OTOL1: variants seen among roughly 807,000 people sequenced by gnomAD.
OTOL1 encodes otolin-1.
Under a neutral mutation model 25.0 loss-of-function variants are expected in OTOL1, and 31 were observed. That is an observed-to-expected ratio of 1.24 (90% confidence interval 0.93 to 1.67). OTOL1 has a LOEUF of 1.67. Ranked by LOEUF, OTOL1 falls within the 40% of genes most tolerant of loss-of-function variation. The pLI is 0.00. For synonymous variants in OTOL1, 225 were observed against 210.3 expected, an observed-to-expected ratio of 1.07 and a Z score of -0.61; for missense variants, 654 against 587.7, an observed-to-expected ratio of 1.11 and a Z score of -1.17.
At chr3:161,500,517 C>T (rs1373003379) in intron 2 of OTOL1, among the ~76,000 whole-genome samples, 1 of 152,148 alleles carries the variant, frequency 6.6e-6, no homozygotes, top group East Asian at 1.9e-4. Flanking sequence ...ACTCTACTTT[C>T]CTTTCACTTC....
At chr3:161,497,699 G>A (rs770691366) in intron 1 of OTOL1, among the ~76,000 whole-genome samples, 3 of 152,120 alleles carry the variant, frequency 2.0e-5, no homozygotes, top group African/African-American at 7.2e-5. Flanking sequence ...GCTCTGAGGT[G>A]GAGAATAAAG....
rs781458945 is a variant in OTOL1 at position 161,503,491 on chromosome 3, G to C, written c.983G>C (p.Arg328Pro). 1.2e-6 allele frequency: 2 copies of C among 1,613,506 alleles called. No individual in the cohort carries two copies. The highest frequency in any genetic ancestry group is 2.2e-5 in the South Asian group (2 of 91,042). Residue 328 changes from arginine to proline, a missense_variant, in exon 4 of 4, where the codon CGG becomes CCG. Transcript: ENST00000327928. ...VRGPTGKKGSRGFKGSKGELA... is the reference protein window; with the variant it reads ...VRGPTGKKGSPGFKGSKGELA... ...GGCCCCACTGGGAAGAAGGGCTCTC[G>C]GGGCTTTAAAGGCTCCAAGGGTGAG... is the stretch of plus-strand genomic sequence containing the variant.
Position 161,497,134 on chromosome 3 carries a change from C to G in OTOL1, c.327C>G (p.Pro109=). The G allele has an allele frequency of 6.2e-7, 1 of 1,613,262 alleles. No individual in the cohort carries two copies. Among genetic ancestry groups the G allele is most frequent in the African/African-American group, 1.3e-5 (1 of 74,978 alleles). The change falls in exon 1 of 4, where the codon CCC becomes CCG. Residue 109 remains proline, a synonymous_variant. Coordinates refer to ENST00000327928, the MANE Select transcript of OTOL1 (RefSeq NM_001080440.1). ...LNCCDCCSPV[P]GQKGEPGETG... ...GTTGTGATTGTTGTTCACCTGTACC[C>G]GGGCAGAAAGGAGAACCTGGAGAGA...
chr3:161,502,528 CAG>C (rs1718999428), intron 3 of OTOL1, among the ~76,000 whole-genome samples, 159 bp downstream of exon 3: 1 of 152,094 alleles, frequency 6.6e-6, no homozygotes, highest in South Asian at 2.1e-4. Context: ...GAAGGAGAAC[CAG>C]TCTAGGAATT....
chr3:161,503,502 G>A lies in OTOL1; in HGVS notation c.994G>A (p.Gly332Ser). 3 of 1,613,778 alleles carry A rather than the reference G, an allele frequency of 1.9e-6. No homozygotes were observed. The highest frequency in any genetic ancestry group is 2.5e-6 in the Non-Finnish European group (3 of 1,179,812). Reference sequence around the variant, plus strand: ...GAAGAAGGGCTCTCGGGGCTTTAAAGGCTCCAAGGGTGAGTTGGCTAGAGT... The same window carrying A: ...GAAGAAGGGCTCTCGGGGCTTTAAAAGCTCCAAGGGTGAGTTGGCTAGAGT... ...TGKKGSRGFK[G>S]SKGELARVPR... The change falls in exon 4 of 4, where the codon GGC becomes AGC. Residue 332 changes from glycine (G) to serine (S), a missense_variant. Gly to Ser is a moderately conservative substitution (Grantham distance 56, BLOSUM62 0). Transcript: ENST00000327928.
chr3:161,503,640 G>A lies in OTOL1; in HGVS notation c.1132G>A (p.Gly378Arg), dbSNP rs772890100. ...CCAAGGGAATTACAGTCCTGTCACT[G>A]GGAAGTTTAACTGCTCTATTCCTGG... is the stretch of plus-strand genomic sequence containing the variant. Reference protein sequence around the residue: ...NDQGNYSPVTGKFNCSIPGTY... With the variant: ...NDQGNYSPVTRKFNCSIPGTY... Residue 378 changes from glycine to arginine, a missense_variant, in exon 4 of 4, where the codon GGG becomes AGG. Transcript: ENST00000327928. The A allele has an allele frequency of 1.9e-6, 3 of 1,613,784 alleles. No homozygotes were observed. The highest frequency in any genetic ancestry group is 2.5e-6 in the Non-Finnish European group (3 of 1,179,836).
At position 161,499,170 on chromosome 3, in the gene OTOL1, G is replaced by A; in HGVS notation, c.365-1G>A. ...TGATGTATTTAAAATCCCATTTCTAGGTCCTAAAGGAGAGGCTGGAAATTT... is the reference window on the plus strand; with the variant it reads ...TGATGTATTTAAAATCCCATTTCTAAGTCCTAAAGGAGAGGCTGGAAATTT... On this transcript the variant is annotated splice_acceptor_variant, in intron 1 of 3. Transcript: ENST00000327928. LOFTEE classifies it high-confidence loss of function. The A allele has an allele frequency of 1.2e-6, 2 of 1,605,278 alleles. No homozygotes were observed. Among genetic ancestry groups the A allele is most frequent in the African/African-American group, 1.3e-5 (1 of 74,736 alleles).
At chr3:161,501,608 T>C (rs1718975573) in intron 2 of OTOL1, among the ~76,000 whole-genome samples, 1 of 152,080 alleles carries the variant, frequency 6.6e-6, no homozygotes, top group South Asian at 2.1e-4. Flanking sequence ...TGTTGTGCAC[T>C]CTGTTTAAAC....
intron 1 of OTOL1, among the ~76,000 whole-genome samples, chr3:161,497,835 T>C (rs544226876): frequency 1.3e-5 from 2 of 152,282 alleles, no homozygotes; most frequent in East Asian, 1.9e-4. Context: ...ATATACATAA[T>C]GAATATAGTC....
At chr3:161,498,487 G>A (rs1341418199) in intron 1 of OTOL1, among the ~76,000 whole-genome samples, 1 of 152,120 alleles carries the variant, frequency 6.6e-6, no homozygotes, top group Non-Finnish European at 1.5e-5. Context: ...CCTACTTAGG[G>A]AAGCTACTCT....
At chr3:161,500,215 G>A (rs1576946230) in intron 2 of OTOL1, among the ~76,000 whole-genome samples, 2 of 152,268 alleles carry the variant, frequency 1.3e-5, no homozygotes, top group East Asian at 3.9e-4. Flanking sequence ...ATTCAGTGAA[G>A]TAATTACTCA....
chr3:161,499,470 G>A (rs1378664861), intron 2 of OTOL1, among the ~76,000 whole-genome samples: 1 of 152,178 alleles, frequency 6.6e-6, no homozygotes, highest in Admixed American at 6.6e-5. Flanking sequence ...CTGCACACAT[G>A]CATGCAGGCA....
Position 161,502,376 on chromosome 3 carries a change from C to A in OTOL1, c.517+7C>A. 6.2e-7 allele frequency: 1 copy of A among 1,610,428 alleles called. No homozygotes were observed. Among genetic ancestry groups the A allele is most frequent in the Non-Finnish European group, 8.5e-7 (1 of 1,177,386 alleles). ...GGAAAACCGGGAGCACAAGGTAGAGCATGAAATGTATCTACTGTGTACAGT... is the reference window on the plus strand; with the variant it reads ...GGAAAACCGGGAGCACAAGGTAGAGAATGAAATGTATCTACTGTGTACAGT... On this transcript the variant is annotated splice_region_variant and intron_variant, in intron 3 of 3. Transcript: ENST00000327928.
chr3:161,496,994 G>A lies in OTOL1; in HGVS notation c.187G>A (p.Ala63Thr). The change falls in exon 1 of 4, where the codon GCT (alanine) becomes ACT (threonine). Residue 63 changes from alanine to threonine, a missense_variant. Coordinates refer to ENST00000327928, the MANE Select transcript of OTOL1 (RefSeq NM_001080440.1). ...AGAAGAAACCCTCTTCACAGAAATG[G>A]CTGAAATGGCAGAACCAATTACCAA... Reference protein sequence around the residue: ...EEEETLFTEMAEMAEPITKPS... With the variant: ...EEEETLFTEMTEMAEPITKPS... 6.2e-7 allele frequency: 1 copy of A among 1,613,620 alleles called. No individual in the cohort carries two copies. The highest frequency in any genetic ancestry group is 8.5e-7 in the Non-Finnish European group (1 of 1,179,656).
In OTOL1 at chr3:161,497,010, C is replaced by T. The variant is rs756327245; in HGVS notation, c.203C>T (p.Pro68Leu). 1.9e-6 allele frequency: 3 copies of T among 1,613,628 alleles called. No individual in the cohort carries two copies. Among genetic ancestry groups the T allele is most frequent in the Non-Finnish European group, 2.5e-6 (3 of 1,179,658 alleles). Residue 68 changes from proline (P) to leucine (L), a missense_variant, in exon 1 of 4, where the codon CCA becomes CTA. Physicochemically the swap from Pro to Leu is moderately conservative, Grantham distance 98. Transcript: ENST00000327928. ...LFTEMAEMAE[P>L]ITKPSALDSV... ...ACAGAAATGGCTGAAATGGCAGAACCAATTACCAAACCCTCGGCCTTGGAT... is the reference window on the plus strand; with the variant it reads ...ACAGAAATGGCTGAAATGGCAGAACTAATTACCAAACCCTCGGCCTTGGAT...
At chr3:161,497,339 G>A (rs1429264256) in intron 1 of OTOL1, among the ~76,000 whole-genome samples, 168 bp downstream of exon 1, 1 of 151,964 alleles carries the variant, frequency 6.6e-6, no homozygotes, top group East Asian at 1.9e-4. Flanking sequence ...TGCCCAATGT[G>A]GTAATTAATA....
At chr3:161,500,641 CTCTT>C (rs1309685725) in intron 2 of OTOL1, among the ~76,000 whole-genome samples, 1 of 152,170 alleles carries the variant, frequency 6.6e-6, no homozygotes, top group African/African-American at 2.4e-5. Context: ...AGCAATTAAA[CTCTT>C]TCGAGGAATT....
chr3:161,498,880 T>A (rs1718902504), intron 1 of OTOL1, among the ~76,000 whole-genome samples: 1 of 152,208 alleles, frequency 6.6e-6, no homozygotes, highest in African/African-American at 2.4e-5. Flanking sequence ...AAGTGTCAGA[T>A]TATCATTTTG....
Position 161,499,197 on chromosome 3 carries a change from G to C in OTOL1, c.391G>C (p.Gly131Arg), listed in dbSNP as rs1718911725. ...PGPKGEAGNL[G>R]IPGPPGVVGP... ...TCCTAAAGGAGAGGCTGGAAATTTG[G>C]GGATCCCAGGGCCACCAGGAGTTGT... The change falls in exon 2 of 4, where the codon GGG (glycine) becomes CGG (arginine). Residue 131 changes from glycine (G) to arginine (R), a missense_variant. By Grantham distance (125) the Gly-to-Arg change is moderately radical. Coordinates refer to ENST00000327928, the MANE Select transcript of OTOL1 (RefSeq NM_001080440.1). The C allele has an allele frequency of 6.2e-7, 1 of 1,610,810 alleles. No homozygotes were observed. Among genetic ancestry groups the C allele is most frequent in the African/African-American group, 1.3e-5 (1 of 74,804 alleles).
Sources: allele counts gnomAD v4.1 joint callset (sites outside exome capture counted in the v4.1 genomes callset), GRCh38; gene constraint gnomAD v4.1.1; transcripts MANE v1.5; gene names NCBI Gene and HGNC (gene_info 2026-07-23, HGNC 2026-07-21).